GPHN: variants seen among roughly 807,000 people sequenced by gnomAD.
GPHN encodes the protein gephyrin.
Under a neutral mutation model 95.5 loss-of-function variants are expected in GPHN, and 17 were observed. That is an observed-to-expected ratio of 0.18 (90% CI 0.12 to 0.27). The LOEUF (loss-of-function observed/expected upper bound fraction) is 0.27, where lower values mean the gene tolerates loss of function less well. Among genes scored for constraint, GPHN ranks in the 10% least tolerant of loss-of-function variants. The probability of loss-of-function intolerance (pLI) is 1.00; values close to 1 mark genes in which losing one functional copy is unlikely to be tolerated. For synonymous variants in GPHN, 320 were observed against 322.5 expected (o/e 0.99, Z 0.08); for missense variants, 660 against 978.1 (o/e 0.67, Z 4.34).
At chr14:67,084,046 A>G (rs1455591569) in intron 11 of GPHN, among the ~76,000 whole-genome samples, 1 of 152,220 alleles carries the variant, frequency 6.6e-6, no homozygotes, top group East Asian at 1.9e-4. Context: ...AGGGTTACAA[A>G]GATGAATGAT....
chr14:67,262,579 A>C, the GPHN span, among the ~76,000 whole-genome samples: 2 of 152,160 alleles, frequency 1.3e-5, no homozygotes, highest in African/African-American at 4.8e-5. Context: ...TAAAGGAATA[A>C]AACATTGTCT....
At chr14:66,904,926 G>A (rs1161718348) in intron 5 of GPHN, among the ~76,000 whole-genome samples, 1 of 152,144 alleles carries the variant, frequency 6.6e-6, no homozygotes, top group Non-Finnish European at 1.5e-5. Flanking sequence ...TCCATTTGGT[G>A]TTCTCTGACC....
chr14:67,290,263 T>C, the GPHN span, among the ~76,000 whole-genome samples: 1 of 151,986 alleles, frequency 6.6e-6, no homozygotes, highest in Non-Finnish European at 1.5e-5. Flanking sequence ...GAGAAACTTT[T>C]AAAGAAAGAT....
At chr14:67,626,929 A>G in the GPHN span, among the ~76,000 whole-genome samples, 1 of 152,230 alleles carries the variant, frequency 6.6e-6, no homozygotes, top group African/African-American at 2.4e-5. Context: ...AACATGGATG[A>G]ACCTAGAAAA....
intron 8 of GPHN, among the ~76,000 whole-genome samples, chr14:66,941,423 T>A (rs1198462561): frequency 6.6e-6 from 1 of 152,136 alleles, no homozygotes; most frequent in Non-Finnish European, 1.5e-5. Context: ...TAAGACCTTT[T>A]AAAGTGAAGC....
At chr14:66,978,654 C>T (rs2070427056) in intron 9 of GPHN, among the ~76,000 whole-genome samples, 1 of 152,100 alleles carries the variant, frequency 6.6e-6, no homozygotes, top group South Asian at 2.1e-4. Flanking sequence ...GTCTTCAACT[C>T]CTAAACATCC....
intron 8 of GPHN, among the ~76,000 whole-genome samples, chr14:66,933,759 A>G (rs749909249): frequency 1.3e-5 from 2 of 152,342 alleles, no homozygotes; most frequent in South Asian, 4.1e-4. Flanking sequence ...AGAATTAAGT[A>G]TTTGCAGAAT....
the GPHN span, among the ~76,000 whole-genome samples, chr14:67,713,391 A>G: frequency 1.4e-5 from 2 of 141,854 alleles, no homozygotes; most frequent in African/African-American, 2.7e-5. Flanking sequence ...AAAGCAAGTA[A>G]AACTCCAAAA....
chr14:66,752,954 A>G (rs930202422), intron 2 of GPHN, among the ~76,000 whole-genome samples: 3 of 151,258 alleles, frequency 2.0e-5, no homozygotes, highest in Non-Finnish European at 4.4e-5. Context: ...AAAAAAAGAG[A>G]AGAGAGATTG....
chr14:67,068,038 G>A (rs111377188), intron 11 of GPHN, among the ~76,000 whole-genome samples: 10,091 of 152,190 alleles, frequency 0.066, 351 homozygotes, highest in Middle Eastern at 0.085. Flanking sequence ...TTCTGCGTCG[G>A]TCATGCTGGG....
the GPHN span, among the ~76,000 whole-genome samples, chr14:67,489,931 A>G: frequency 2.6e-5 from 4 of 151,860 alleles, no homozygotes; most frequent in Admixed American, 2.0e-4. Context: ...CAGAGCTTGC[A>G]GTGATCTGAG....
At chr14:67,209,819 G>GA in the GPHN span, among the ~76,000 whole-genome samples, 566 of 76,568 alleles carry the variant, frequency 7.4e-3, 2 homozygotes, top group Middle Eastern at 0.018. Flanking sequence ...CTCCATCTCG[G>GA]AAAAAAAAAA....
At chr14:66,679,635 CT>C (rs1236773761) in intron 1 of GPHN, among the ~76,000 whole-genome samples, 2 of 152,102 alleles carry the variant, frequency 1.3e-5, no homozygotes, top group Non-Finnish European at 2.9e-5. Context: ...TCATTTCTTT[CT>C]TGCTGTGCTT....
chr14:67,541,990 C>T, the GPHN span: 2 of 1,603,908 alleles, frequency 1.2e-6, no homozygotes, highest in South Asian at 2.3e-5. Flanking sequence ...TGCTGGCTGA[C>T]AAGGTGAGTC....
At chr14:67,144,251 ATATATAT>A (rs1185865192) in intron 18 of GPHN, among the ~76,000 whole-genome samples, 3 of 41,266 alleles carry the variant, frequency 7.3e-5, no homozygotes, top group Non-Finnish European at 8.3e-5. Flanking sequence ...AAAAAAAAAA[ATATATAT>A]ATATATATAT....
intron 19 of GPHN, among the ~76,000 whole-genome samples, chr14:67,161,781 T>C (rs1347642501): frequency 1.3e-5 from 2 of 152,142 alleles, no homozygotes; most frequent in Admixed American, 6.6e-5. Context: ...ATTGTTCTAT[T>C]TGCAGAGGGA....
At chr14:67,700,377 T>G in the GPHN span, among the ~76,000 whole-genome samples, 1 of 152,114 alleles carries the variant, frequency 6.6e-6, no homozygotes, top group South Asian at 2.1e-4. Flanking sequence ...AGCTTTAAGA[T>G]AAACATTTTA....
the GPHN span, chr14:67,678,293 T>C: frequency 5.0e-6 from 7 of 1,400,028 alleles, no homozygotes; most frequent in South Asian, 8.1e-5. Flanking sequence ...TGCTGCAGTC[T>C]TCTCTTGGGT....
the GPHN span, among the ~76,000 whole-genome samples, chr14:67,249,966 T>C: frequency 1.3e-5 from 2 of 152,250 alleles, no homozygotes; most frequent in Admixed American, 6.5e-5. Context: ...TTTTGTGTTA[T>C]GTTTGAAATG....
Sources: allele counts gnomAD v4.1 joint callset (sites outside exome capture counted in the v4.1 genomes callset), GRCh38; gene constraint gnomAD v4.1.1; transcripts MANE v1.5; gene names NCBI Gene and HGNC (gene_info 2026-07-23, HGNC 2026-07-21).